PBX1: variants seen among roughly 807,000 people sequenced by gnomAD.
PBX1 encodes pre-B-cell leukemia transcription factor 1.
A neutral mutation model predicts 53.4 loss-of-function variants in PBX1; 6 were observed. That is an observed-to-expected ratio of 0.11 (90% CI 0.06 to 0.22). PBX1 has a LOEUF of 0.22. Among genes scored for constraint, PBX1 ranks in the 10% least tolerant of loss-of-function variants. PBX1 has a pLI of 1.00. For missense variants in PBX1, 251 were observed against 551.4 expected (o/e 0.46, Z 5.46); for synonymous variants, 204 against 212.3 (o/e 0.96, Z 0.34).
chr1:164,861,695 G>A (rs894997552), intron 2 of PBX1, among the ~76,000 whole-genome samples: 1 of 152,242 alleles, frequency 6.6e-6, no homozygotes, highest in East Asian at 1.9e-4. Flanking sequence ...GAGGGTAGAA[G>A]TTCTGGAGTA....
Position 164,624,068 on chromosome 1 carries a change from A to G in PBX1, c.265+60757A>G, listed in dbSNP as rs16833352. On this transcript the variant is annotated intron_variant, in intron 2 of 8. Transcript: ENST00000420696. The stretch of plus-strand genomic sequence containing the variant: ...AGGGTCAATCTTTCTTATAGGTAGC[A>G]TTGCTGTCTTGTCATCATTCCACTG... 9.4e-3 allele frequency among the ~76,000 whole-genome samples: 1,424 copies of G among 152,298 alleles called. 17 individuals carry two copies. The highest frequency in any genetic ancestry group is 0.033 in the African/African-American group (1,363 of 41,568).
At chr1:164,611,534 G>A (rs879632990) in intron 2 of PBX1, among the ~76,000 whole-genome samples, 8 of 152,168 alleles carry the variant, frequency 5.3e-5, no homozygotes, top group Admixed American at 3.3e-4. Flanking sequence ...CACCGCGCCC[G>A]GCCTTCTGTG....
chr1:164,577,037 A>G (rs1348733761), intron 2 of PBX1: 4 of 152,224 alleles, frequency 2.6e-5, no homozygotes, highest in African/African-American at 9.6e-5. Context: ...ACGCACGCGT[A>G]TTAATTTGCA....
chr1:164,565,315 A>G (rs1299714769), intron 2 of PBX1, among the ~76,000 whole-genome samples: 1 of 152,194 alleles, frequency 6.6e-6, no homozygotes, highest in Non-Finnish European at 1.5e-5. Context: ...ACTTAAAAAA[A>G]TCTAAATTAA....
At chr1:164,663,750 T>A (rs893011702) in intron 2 of PBX1, among the ~76,000 whole-genome samples, 2 of 152,246 alleles carry the variant, frequency 1.3e-5, no homozygotes, top group African/African-American at 4.8e-5. Context: ...CAAAGTATGT[T>A]GAAGTGTGTT....
At chr1:164,610,209 G>A (rs1033306847) in intron 2 of PBX1, among the ~76,000 whole-genome samples, 7 of 152,078 alleles carry the variant, frequency 4.6e-5, no homozygotes, top group Non-Finnish European at 8.8e-5. Context: ...CAATCTCCCC[G>A]GGAAAGAGAT....
intron 2 of PBX1, among the ~76,000 whole-genome samples, chr1:164,786,720 T>TGTGTGTGC (rs1357886882): frequency 1.0e-4 from 12 of 116,296 alleles, no homozygotes; most frequent in African/African-American, 3.8e-4. Flanking sequence ...TGTGTGTGTG[T>TGTGTGTGC]GCGCGCGCAC....
rs146826866 is a variant in PBX1, at chr1:164,797,156, C to T, written c.511-2543C>T. Among the ~76,000 whole-genome samples, 457 of 152,248 alleles carry T rather than the reference C, an allele frequency of 3.0e-3. 1 individual carries two copies. The highest frequency in any genetic ancestry group is 0.011 in the African/African-American group (441 of 41,544). ...GTTTATTGAAGAGCAGAAAGGGCCC[C>T]GGGATAGAGTGCCCTGAATAAACAT... On this transcript the variant is annotated intron_variant, in intron 3 of 8. Transcript: ENST00000420696.
At chr1:164,870,323 TTCTTTCTTTC>T (rs1558053756) in intron 2 of PBX1, among the ~76,000 whole-genome samples, 41 of 112,112 alleles carry the variant, frequency 3.7e-4, no homozygotes, top group Non-Finnish European at 6.0e-4. Flanking sequence ...CTTTCTTTCT[TTCTTTCTTTC>T]TTTCTTTCTT....
intron 2 of PBX1, chr1:164,700,765 C>T: frequency 1.0e-6 from 1 of 981,002 alleles, no homozygotes; most frequent in Non-Finnish European, 1.2e-6. Flanking sequence ...GTGCTTTTCC[C>T]TTGTGTTGGG....
At position 164,662,859 on chromosome 1, in the gene PBX1, T is replaced by A. The variant is rs894196777; in HGVS notation, c.265+99548T>A. Among the ~76,000 whole-genome samples, 7 of 152,138 alleles carry A rather than the reference T, an allele frequency of 4.6e-5. 1 individual carries two copies. The highest frequency in any genetic ancestry group is 4.6e-4 in the Admixed American group (7 of 15,276). ...TTATTTTTTTTCTTGTAGTGATGGT[T>A]AATATGCAGAACTTTGATCAGATAT... On this transcript the variant is annotated intron_variant, in intron 2 of 8. Transcript: ENST00000420696.
At position 164,654,150 on chromosome 1, in the gene PBX1, T is replaced by A. The variant is rs574191532; in HGVS notation, c.265+90839T>A. Among the ~76,000 whole-genome samples the A allele has an allele frequency of 2.0e-5, 3 of 152,266 alleles. No individual in the cohort carries two copies. The South Asian group carries it at 6.2e-4, about 32-fold the overall frequency. On this transcript the variant is annotated intron_variant, in intron 2 of 8. Coordinates refer to ENST00000420696, the MANE Select transcript of PBX1 (RefSeq NM_002585.4). ...GGGGTAGGGTGTCTAGCTCTAATAT[T>A]TGCATTTTGTAGATGGGGACAATAT...
At chr1:164,768,447 C>A (rs531134264) in intron 2 of PBX1, among the ~76,000 whole-genome samples, 85 of 152,332 alleles carry the variant, frequency 5.6e-4, no homozygotes, top group Admixed American at 2.2e-3. Flanking sequence ...AGAGGGGAGA[C>A]CCTACTATTA....
chr1:164,704,288 C>T (rs993275165), intron 2 of PBX1, among the ~76,000 whole-genome samples: 2 of 152,206 alleles, frequency 1.3e-5, no homozygotes, highest in Non-Finnish European at 2.9e-5. Flanking sequence ...TCAGTTCAAA[C>T]ATATAAAACT....
intron 2 of PBX1, among the ~76,000 whole-genome samples, chr1:164,781,044 G>A (rs1005774252): frequency 1.3e-5 from 2 of 152,146 alleles, no homozygotes; most frequent in African/African-American, 4.8e-5. Flanking sequence ...AGGACAGCAC[G>A]AGTGACTCAT....
chr1:164,653,118 C>T (rs564338180), intron 2 of PBX1, among the ~76,000 whole-genome samples: 1 of 152,236 alleles, frequency 6.6e-6, no homozygotes, highest in Non-Finnish European at 1.5e-5. Flanking sequence ...CTGCCCGCCT[C>T]AGCCTCCCAA....
intron 5 of PBX1, 88 bp downstream of exon 5, chr1:164,807,765 A>T (rs977166709): frequency 4.2e-6 from 6 of 1,435,902 alleles, no homozygotes; most frequent in Admixed American, 2.1e-5. Flanking sequence ...TTTACTGGAC[A>T]TTCATGCCTT....
intron 2 of PBX1, among the ~76,000 whole-genome samples, chr1:164,759,960 C>T (rs1308836424): frequency 6.6e-6 from 1 of 152,162 alleles, no homozygotes; most frequent in Non-Finnish European, 1.5e-5. Flanking sequence ...CCCCTAAAAA[C>T]CACAGTTGTA....
chr1:164,618,007 T>C (rs997436690), intron 2 of PBX1, among the ~76,000 whole-genome samples: 2 of 152,182 alleles, frequency 1.3e-5, no homozygotes, highest in South Asian at 2.1e-4. Flanking sequence ...GGCCCATTTT[T>C]CTTTCCAGCG....
Sources: gnomAD v4.1 joint callset for allele counts (sites outside exome capture counted in the v4.1 genomes callset) on GRCh38, gnomAD v4.1.1 for gene constraint, MANE v1.5 for transcripts, NCBI Gene and HGNC (gene_info 2026-07-23, HGNC 2026-07-21) for gene names.